The following CIT variants were observed in gnomAD, a reference collection of about 807,000 sequenced individuals.
CIT encodes citron Rho-interacting kinase.
In CIT, 79 loss-of-function variants were observed where a neutral mutation model predicts 272.7. The ratio of observed to expected loss-of-function variants is 0.29; its 90% CI spans 0.24 to 0.35. CIT has a LOEUF of 0.35. Among genes scored for constraint, CIT ranks in the 10% least tolerant of loss-of-function variants. CIT has a pLI of 1.00. For synonymous variants in CIT, 948 were observed against 995.6 expected, an observed-to-expected ratio of 0.95 and a Z score of 0.90; for missense variants, 1,909 against 2,618.3, an observed-to-expected ratio of 0.73 and a Z score of 5.91.
intron 3 of CIT, among the ~76,000 whole-genome samples, chr12:119,863,524 G>GT (rs1011539046): frequency 6.0e-5 from 9 of 150,728 alleles, no homozygotes; most frequent in African/African-American, 1.5e-4. Flanking sequence ...GTTTTTTTTT[G>GT]TTTTTTTTGT....
In CIT at chr12:119,700,735, C is replaced by G; in HGVS notation, c.5623+10G>C. ...GCAAAAGAGAAGCCCCCACACTGAGCCTCACGTACCAAAGGCCAAAGGTAA... is the reference window on the plus strand; with the variant it reads ...GCAAAAGAGAAGCCCCCACACTGAGGCTCACGTACCAAAGGCCAAAGGTAA... On this transcript the variant is annotated intron_variant, in intron 44 of 47. Coordinates refer to ENST00000392521, the MANE Select transcript of CIT (RefSeq NM_001206999.2). The G allele has an allele frequency of 6.2e-7, 1 of 1,610,600 alleles. No individual in the cohort carries two copies. Among genetic ancestry groups the G allele is most frequent in the Non-Finnish European group, 8.5e-7 (1 of 1,176,860 alleles).
At chr12:119,852,815 A>T in intron 4 of CIT, among the ~76,000 whole-genome samples, 1 of 152,126 alleles carries the variant, frequency 6.6e-6, no homozygotes, top group African/African-American at 2.4e-5. Context: ...ATTTCTGTGT[A>T]TATATTCTGT....
chr12:119,846,635 G>A (rs947582788), intron 5 of CIT, among the ~76,000 whole-genome samples: 4 of 152,184 alleles, frequency 2.6e-5, no homozygotes, highest in South Asian at 2.1e-4. Context: ...TGGGTGTGGT[G>A]ATTCATGCCT....
intron 17 of CIT, among the ~76,000 whole-genome samples, chr12:119,772,135 T>C (rs1963226393): frequency 8.9e-6 from 1 of 112,322 alleles, no homozygotes; most frequent in African/African-American, 3.3e-5. Flanking sequence ...AGGAGGAGGG[T>C]GAAATCAACT....
chr12:119,861,265 G>C (rs1286057954), intron 3 of CIT, among the ~76,000 whole-genome samples: 1 of 151,968 alleles, frequency 6.6e-6, no homozygotes, highest in East Asian at 1.9e-4. Context: ...TACTGAGGTA[G>C]AGATAAGGAC....
At chr12:119,829,726 G>T (rs1030658943) in intron 7 of CIT, among the ~76,000 whole-genome samples, 2 of 152,076 alleles carry the variant, frequency 1.3e-5, no homozygotes, top group African/African-American at 4.8e-5. Context: ...AAGTGAAGTG[G>T]GTGACCTAAG....
intron 47 of CIT, among the ~76,000 whole-genome samples, chr12:119,688,679 A>G (rs1955727132): frequency 6.6e-6 from 1 of 152,204 alleles, no homozygotes; most frequent in Non-Finnish European, 1.5e-5. Context: ...GGCACCAAGC[A>G]CTTGAGCCAT....
intron 43 of CIT, 123 bp downstream of exon 43, chr12:119,701,501 C>T (rs764551525): frequency 9.0e-7 from 1 of 1,106,000 alleles, no homozygotes; most frequent in Non-Finnish European, 1.3e-6. Flanking sequence ...GCTGGAAGGA[C>T]ATTCTCTGTA....
At chr12:119,744,606 C>T (rs1297805992) in intron 23 of CIT, among the ~76,000 whole-genome samples, 3 of 151,234 alleles carry the variant, frequency 2.0e-5, no homozygotes, top group African/African-American at 7.3e-5. Flanking sequence ...GTCACAGCTA[C>T]TCTGGAGGCT....
intron 4 of CIT, among the ~76,000 whole-genome samples, chr12:119,854,773 A>AC (rs138196873): frequency 0.039 from 5,916 of 151,538 alleles, 127 homozygotes; most frequent in African/African-American, 0.058. Flanking sequence ...ACATGGTGAA[A>AC]CCCCCCCTCT....
chr12:119,819,348 G>A (rs930966484), intron 9 of CIT, among the ~76,000 whole-genome samples: 1 of 152,100 alleles, frequency 6.6e-6, no homozygotes, highest in Non-Finnish European at 1.5e-5. Context: ...ACCCCAAGAG[G>A]CAGGACCCAG....
intron 23 of CIT, among the ~76,000 whole-genome samples, chr12:119,745,390 A>AAAAAAAAAAAAAC (rs1425462663): frequency 1.4e-5 from 2 of 144,830 alleles, no homozygotes; most frequent in East Asian, 4.0e-4. Context: ...AAAAAAAAAA[A>AAAAAAAAAAAAAC]AAAAAAAACA....
intron 9 of CIT, among the ~76,000 whole-genome samples, chr12:119,815,036 T>TC (rs1168211785): frequency 9.3e-6 from 1 of 108,006 alleles, no homozygotes; most frequent in Non-Finnish European, 1.8e-5. Context: ...AGACTCTGTC[T>TC]CAAAAAAAAA....
intron 9 of CIT, among the ~76,000 whole-genome samples, chr12:119,805,289 G>A (rs1593814881): frequency 6.6e-6 from 1 of 152,282 alleles, no homozygotes; most frequent in East Asian, 1.9e-4. Context: ...GTGACACTGG[G>A]TAAGTCACTT....
At chr12:119,698,387 C>T (rs550628096) in intron 44 of CIT, among the ~76,000 whole-genome samples, 2 of 152,078 alleles carry the variant, frequency 1.3e-5, no homozygotes, top group African/African-American at 4.8e-5. Context: ...GTCAGGAGTT[C>T]GAGACCAGCC....
chr12:119,704,298 A>T, intron 41 of CIT, 65 bp downstream of exon 41: 2 of 1,481,028 alleles, frequency 1.4e-6, no homozygotes. Context: ...CACTTTCCAC[A>T]CTGGCTCGCT....
intron 24 of CIT, among the ~76,000 whole-genome samples, chr12:119,737,376 A>C (rs924923236): frequency 1.3e-5 from 2 of 149,448 alleles, no homozygotes; most frequent in Admixed American, 6.8e-5. Flanking sequence ...AGACTATAGA[A>C]AGTCTACTCA....
At chr12:119,727,266 T>C (rs1958165434) in intron 28 of CIT, among the ~76,000 whole-genome samples, 1 of 152,234 alleles carries the variant, frequency 6.6e-6, no homozygotes, top group Admixed American at 6.5e-5. Context: ...AAGTATTACA[T>C]GACCCCCATA....
At position 119,757,377 on chromosome 12, in the gene CIT, C is replaced by T; in HGVS notation, c.2700G>A (p.Leu900=). The change falls in exon 22 of 48, where the codon TTG becomes TTA. Residue 900 remains leucine, a synonymous_variant. Transcript: ENST00000392521. ...GATGACTCCTCGCTCTCACCTCCCG[C>T]AATCTTGTCTCCAGTTCCAGCAGCC... ...KNRLLELETR[L]REVSLEHEEQ... 6.2e-7 allele frequency: 1 copy of T among 1,613,980 alleles called. No individual in the cohort carries two copies. Among genetic ancestry groups the T allele is most frequent in the East Asian group, 2.2e-5 (1 of 44,876 alleles).
Sources: allele counts gnomAD v4.1 joint callset (sites outside exome capture counted in the v4.1 genomes callset), GRCh38; gene constraint gnomAD v4.1.1; transcripts MANE v1.5; gene names NCBI Gene and HGNC (gene_info 2026-07-23, HGNC 2026-07-21).